The following OMD variants were observed in gnomAD, a reference collection of about 807,000 sequenced individuals.
OMD encodes KSPG osteomodulin.
Under a neutral mutation model 31.2 loss-of-function variants are expected in OMD, and 19 were observed. The ratio of observed to expected loss-of-function variants is 0.61; its 90% CI spans 0.42 to 0.89. The LOEUF (loss-of-function observed/expected upper bound fraction) is 0.89. Ranked by LOEUF, OMD falls within the 40% of genes least tolerant of loss-of-function variation. The pLI is 0.00. For missense variants in OMD, 448 were observed against 490.8 expected (o/e 0.91, Z 0.82); for synonymous variants, 155 against 166.4 (o/e 0.93, Z 0.53).
At chr9:92,422,771 A>G (rs762663149) in intron 1 of OMD, among the ~76,000 whole-genome samples, 7 of 152,176 alleles carry the variant, frequency 4.6e-5, no homozygotes, top group Non-Finnish European at 5.9e-5. Flanking sequence ...TCCCCAGGAT[A>G]ATTTCCCCTG....
chr9:92,421,288 C>A lies in OMD; in HGVS notation c.-17+2914G>T, dbSNP rs111897024. Among the ~76,000 whole-genome samples the A allele has an allele frequency of 4.5e-3, 681 of 152,332 alleles. 3 individuals carry two copies. The highest frequency in any genetic ancestry group is 0.015 in the African/African-American group (634 of 41,586). ...CTTCTGGGCTCAACCAGTCTGCCCC[C>A]CTCAGCCTCCCAAAGTGCTGGGATT... is the stretch of plus-strand genomic sequence containing the variant. On this transcript the variant is annotated intron_variant, in intron 1 of 2. Transcript: ENST00000375550.
Position 92,417,257 on chromosome 9 carries a change from T to C in OMD, c.302A>G (p.Asn101Ser), listed in dbSNP as rs139969744. 11 of 1,613,966 alleles carry C rather than the reference T, an allele frequency of 6.8e-6. No individual in the cohort carries two copies. Among genetic ancestry groups the C allele is most frequent in the African/African-American group, 1.3e-5 (1 of 74,930 alleles). ...MHIQQLYLQFNEIEAVTANSF... is the reference protein window; with the variant it reads ...MHIQQLYLQFSEIEAVTANSF... ...ATTTGCAGTCACAGCCTCAATTTCA[T>C]TGAACTGAAGGTAGAGTTGCTGAAT... Residue 101 changes from asparagine (N) to serine (S), a missense_variant, in exon 2 of 3, where the codon AAT (asparagine) becomes AGT (serine). Transcript: ENST00000375550.
rs1164174380 is a variant in OMD at position 92,415,073 on chromosome 9, G to A, written c.*79C>T. 4.7e-6 allele frequency: 5 copies of A among 1,071,010 alleles called. No homozygotes were observed. The highest frequency in any genetic ancestry group is 6.6e-6 in the Non-Finnish European group (5 of 753,910). 66.3% of individuals were successfully genotyped at this position (1,071,010 alleles called of 1,614,324 possible). A position where few individuals can be genotyped will look rare whatever the true frequency, so the allele number is the denominator to read the frequency against. ...CATAATTCTAAATATATTACTTTGA[G>A]TAATACATGTTTACTTAGATTTACT... On this transcript the variant is annotated 3_prime_UTR_variant, in exon 3 of 3. Transcript: ENST00000375550.
At position 92,412,565 on chromosome 9, in the gene OMD, A is replaced by G. The variant is rs1843473840; in HGVS notation, c.*2587T>C. On this transcript the variant is annotated 3_prime_UTR_variant, in exon 3 of 3. Coordinates refer to ENST00000375550, the MANE Select transcript of OMD (RefSeq NM_005014.3). Reference sequence around the variant, plus strand: ...GGCAACCAATAGTCTTTGTCTCCATAGATTTCCCAGTTCTGGACATTTCAT... The same window carrying G: ...GGCAACCAATAGTCTTTGTCTCCATGGATTTCCCAGTTCTGGACATTTCAT... Among the ~76,000 whole-genome samples the G allele has an allele frequency of 6.6e-6, 1 of 152,174 alleles. No individual in the cohort carries two copies. The highest frequency in any genetic ancestry group is 2.1e-4 in the South Asian group (1 of 4,822).
At position 92,419,552 on chromosome 9, in the gene OMD, G is replaced by A. The variant is rs370763134; in HGVS notation, c.-16-1978C>T. On this transcript the variant is annotated intron_variant, in intron 1 of 2. Transcript: ENST00000375550. ...CTGACCTCATGATCCACCCACCTTG[G>A]GCTCCCAAAGTGCTGGGATTACGGG... Among the ~76,000 whole-genome samples the A allele has an allele frequency of 1.8e-4, 27 of 152,064 alleles. 1 individual carries two copies. The South Asian group carries it at 5.6e-3, about 32-fold the overall frequency.
At chr9:92,416,194 G>A (rs1328354691) in intron 2 of OMD, among the ~76,000 whole-genome samples, 1 of 150,990 alleles carries the variant, frequency 6.6e-6, no homozygotes, top group African/African-American at 2.4e-5. Context: ...CCGATTCCTG[G>A]GTTCAAGCAA....
At chr9:92,421,289 C>G (rs918115954) in intron 1 of OMD, among the ~76,000 whole-genome samples, 11 of 152,202 alleles carry the variant, frequency 7.2e-5, no homozygotes, top group South Asian at 2.1e-4. Flanking sequence ...GTCTGCCCCC[C>G]TCAGCCTCCC....
At position 92,417,025 on chromosome 9, in the gene OMD, C is replaced by T; in HGVS notation, c.534G>A (p.Gln178=). Residue 178 remains glutamine, a synonymous_variant, in exon 2 of 3, where the codon CAG becomes CAA. Coordinates refer to ENST00000375550, the MANE Select transcript of OMD (RefSeq NM_005014.3). ...TTACTAGCCCATCCATAGCATTTGT[C>T]TGCAGTTTGGAGATTTCATTGTAAC... ...LLGYNEISKL[Q]TNAMDGLVNL... 1 of 1,613,988 alleles carries T rather than the reference C, an allele frequency of 6.2e-7. No homozygotes were observed. The highest frequency in any genetic ancestry group is 2.2e-5 in the East Asian group (1 of 44,846).
Sources: allele counts gnomAD v4.1 joint callset (sites outside exome capture counted in the v4.1 genomes callset), GRCh38; gene constraint gnomAD v4.1.1; transcripts MANE v1.5; gene names NCBI Gene and HGNC (gene_info 2026-07-23, HGNC 2026-07-21).